Variants in GFRAL observed in about 807,000 individuals in gnomAD.
GFRAL encodes the protein GDNF family receptor alpha-like.
A neutral mutation model predicts 45.4 loss-of-function variants in GFRAL; 36 were observed. That is an observed-to-expected ratio of 0.79 (90% CI 0.61 to 1.05). GFRAL has a LOEUF of 1.05. GFRAL is among the 50% of genes least tolerant of loss of function. The probability of loss-of-function intolerance (pLI) is 0.00; values close to 1 mark genes in which losing one functional copy is unlikely to be tolerated. For missense variants in GFRAL, 507 were observed against 467.5 expected (o/e 1.08, Z -0.78); for synonymous variants, 166 against 154.1 (o/e 1.08, Z -0.57).
chr6:55,362,104 ATGT>A (rs1277699171), intron 6 of GFRAL, among the ~76,000 whole-genome samples: 7 of 151,900 alleles, frequency 4.6e-5, no homozygotes, highest in Non-Finnish European at 7.4e-5. Flanking sequence ...ACTTACTAAC[ATGT>A]TGTTCACTGA....
intron 5 of GFRAL, among the ~76,000 whole-genome samples, chr6:55,356,427 T>C (rs1406531957): frequency 1.3e-5 from 2 of 151,978 alleles, no homozygotes; most frequent in Admixed American, 6.6e-5. Flanking sequence ...TCTTTATAGT[T>C]CAATCTTGGT....
chr6:55,333,483 T>G (rs1277142830), intron 2 of GFRAL, among the ~76,000 whole-genome samples: 2 of 152,232 alleles, frequency 1.3e-5, no homozygotes, highest in African/African-American at 4.8e-5. Flanking sequence ...TTAGAGAGCA[T>G]TCTGGTCACC....
chr6:55,397,225 T>TA lies in GFRAL; in HGVS notation c.953-1948dup, dbSNP rs571027579. On this transcript the variant is annotated intron_variant, in intron 6 of 8. Transcript: ENST00000340465. The stretch of plus-strand genomic sequence containing the variant: ...TGCAAATTGGAGACTAAAACTATTT[T>TA]AAAAAAATGCCGGCCGGGCGCGGTG... Among the ~76,000 whole-genome samples the TA allele has an allele frequency of 3.2e-3, 482 of 152,138 alleles. 14 individuals carry two copies. The highest frequency in any genetic ancestry group is 9.8e-3 in the African/African-American group (406 of 41,504).
chr6:55,344,307 G>A (rs532646558), intron 3 of GFRAL, among the ~76,000 whole-genome samples: 22 of 152,202 alleles, frequency 1.4e-4, no homozygotes, highest in African/African-American at 5.1e-4. Flanking sequence ...CTGGCAAACC[G>A]AATCCAGCAG....
intron 6 of GFRAL, among the ~76,000 whole-genome samples, chr6:55,371,207 C>T (rs1266281099): frequency 6.6e-6 from 1 of 152,132 alleles, no homozygotes. Context: ...CCAAATATTA[C>T]AATTGCTATT....
intron 6 of GFRAL, among the ~76,000 whole-genome samples, chr6:55,361,081 T>C (rs113979852): frequency 1.3e-5 from 2 of 152,046 alleles, no homozygotes; most frequent in Non-Finnish European, 2.9e-5. Flanking sequence ...CATTTAAAAT[T>C]GTGTAAATAT....
At chr6:55,363,580 C>G (rs552569264) in intron 6 of GFRAL, among the ~76,000 whole-genome samples, 6 of 51,276 alleles carry the variant, frequency 1.2e-4, no homozygotes, top group Non-Finnish European at 2.1e-4. Flanking sequence ...GATGCTATCC[C>G]TCCCCCCTCC....
rs77369567 is a variant in GFRAL, at chr6:55,378,703, T to C, written c.952+19565T>C. On this transcript the variant is annotated intron_variant, in intron 6 of 8. Transcript: ENST00000340465. Reference sequence around the variant, plus strand: ...AGTCTTCCAAGTCTGCTGTTTTTTTTAATCCCTTTGACCAAGCAATTTACC... The same window carrying C: ...AGTCTTCCAAGTCTGCTGTTTTTTTCAATCCCTTTGACCAAGCAATTTACC... 2.0e-3 allele frequency among the ~76,000 whole-genome samples: 298 copies of C among 152,086 alleles called. 1 individual carries two copies. Among genetic ancestry groups the C allele is most frequent in the Middle Eastern group, 0.014 (4 of 294 alleles).
chr6:55,349,409 T>A (rs1768085954), intron 3 of GFRAL, among the ~76,000 whole-genome samples: 1 of 152,050 alleles, frequency 6.6e-6, no homozygotes, highest in South Asian at 2.1e-4. Context: ...ATGGATACAT[T>A]AGTGCTCCTT....
intron 6 of GFRAL, among the ~76,000 whole-genome samples, chr6:55,365,096 G>A (rs1768341021): frequency 6.6e-6 from 1 of 151,430 alleles, no homozygotes; most frequent in Admixed American, 6.6e-5. Context: ...CCATTTGTTT[G>A]TATCCTCTTT....
chr6:55,347,859 C>A (rs1768064013), intron 3 of GFRAL, among the ~76,000 whole-genome samples: 2 of 152,062 alleles, frequency 1.3e-5, no homozygotes, highest in Non-Finnish European at 2.9e-5. Context: ...TTGCCACATA[C>A]CCTCTAAAAA....
At chr6:55,345,472 G>A (rs1768028437) in intron 3 of GFRAL, among the ~76,000 whole-genome samples, 1 of 152,166 alleles carries the variant, frequency 6.6e-6, no homozygotes, top group South Asian at 2.1e-4. Flanking sequence ...AACTGGTGCT[G>A]GGAAAACTGG....
Position 55,347,250 on chromosome 6 carries a change from A to C in GFRAL, c.317-2842A>C, listed in dbSNP as rs569155997. Among the ~76,000 whole-genome samples, 5 of 152,240 alleles carry C rather than the reference A, an allele frequency of 3.3e-5. No homozygotes were observed. The South Asian group carries it at 1.0e-3, about 32-fold the overall frequency. ...ATATGTGCACATGAAATAATCAAGA[A>C]TGTGAAGCTTTGGAAGCGAGTAAGA... is the stretch of plus-strand genomic sequence containing the variant. On this transcript the variant is annotated intron_variant, in intron 3 of 8. Coordinates refer to ENST00000340465, the MANE Select transcript of GFRAL (RefSeq NM_207410.2).
At chr6:55,369,116 C>G (rs556036074) in intron 6 of GFRAL, among the ~76,000 whole-genome samples, 57 of 151,504 alleles carry the variant, frequency 3.8e-4, no homozygotes, top group Middle Eastern at 3.4e-3. Context: ...TAGGACCCTC[C>G]GAGCCAGGTG....
At chr6:55,390,845 G>T (rs982788401) in intron 6 of GFRAL, among the ~76,000 whole-genome samples, 1 of 151,522 alleles carries the variant, frequency 6.6e-6, no homozygotes, top group African/African-American at 2.4e-5. Flanking sequence ...CCAAGATCGC[G>T]CCATTGCACT....
intron 6 of GFRAL, among the ~76,000 whole-genome samples, chr6:55,385,649 T>C (rs1234001798): frequency 6.6e-6 from 1 of 152,090 alleles, no homozygotes; most frequent in Non-Finnish European, 1.5e-5. Flanking sequence ...ACTGCTCTCG[T>C]CTAATGATAT....
chr6:55,339,573 T>C (rs372786475), intron 3 of GFRAL, among the ~76,000 whole-genome samples: 3 of 152,218 alleles, frequency 2.0e-5, no homozygotes, highest in East Asian at 3.9e-4. Flanking sequence ...AAAGAAGTTT[T>C]TTAAATAGGA....
chr6:55,375,575 A>G (rs1768512889), intron 6 of GFRAL, among the ~76,000 whole-genome samples: 1 of 152,086 alleles, frequency 6.6e-6, no homozygotes, highest in African/African-American at 2.4e-5. Context: ...GCCAACACAG[A>G]TAGTTTGACT....
At chr6:55,395,791 A>AG (rs572610931) in intron 6 of GFRAL, among the ~76,000 whole-genome samples, 5,845 of 151,570 alleles carry the variant, frequency 0.039, 160 homozygotes, top group African/African-American at 0.058. Flanking sequence ...GAAAAAAAAA[A>AG]AAAAGAAAAA....
Sources: gnomAD v4.1 joint callset for allele counts (sites outside exome capture counted in the v4.1 genomes callset) on GRCh38, gnomAD v4.1.1 for gene constraint, MANE v1.5 for transcripts, NCBI Gene and HGNC (gene_info 2026-07-23, HGNC 2026-07-21) for gene names.